Variants in WDR41 observed in about 807,000 individuals in gnomAD.
The protein encoded by WDR41 is WD repeat-containing protein 41.
In WDR41, 63 loss-of-function variants were observed where a neutral mutation model predicts 69.3. That is an observed-to-expected ratio of 0.91 (90% CI 0.74 to 1.12). WDR41 has a LOEUF of 1.12. WDR41 is among the 50% of genes most tolerant of loss of function. The pLI is 0.00. For missense variants in WDR41, 543 were observed against 534.5 expected, an observed-to-expected ratio of 1.02 and a Z score of -0.16; for synonymous variants, 185 against 192.1, an observed-to-expected ratio of 0.96 and a Z score of 0.31.
At chr5:77,486,388 A>G (rs1801523104) in intron 2 of WDR41, among the ~76,000 whole-genome samples, 1 of 152,218 alleles carries the variant, frequency 6.6e-6, no homozygotes, top group Non-Finnish European at 1.5e-5. Context: ...TCTTAGACTC[A>G]CTGTGGTAGA....
chr5:77,558,790 G>A (rs542965633), intron 1 of WDR41, among the ~76,000 whole-genome samples: 1 of 152,242 alleles, frequency 6.6e-6, no homozygotes, highest in East Asian at 1.9e-4. Flanking sequence ...GCAATAAGTT[G>A]TCTGATAAAC....
In WDR41 at chr5:77,433,366, G is replaced by C. The variant is rs462109; in HGVS notation, c.1228-79C>G. The C allele has an allele frequency of 1.4e-5, 19 of 1,357,158 alleles. No homozygotes were observed. The East Asian group carries it at 3.9e-4, about 28-fold the overall frequency. 84.1% of individuals were successfully genotyped at this position (1,357,158 alleles called of 1,614,324 possible). A position where few individuals can be genotyped will look rare whatever the true frequency, so the allele number is the denominator to read the frequency against. Reference sequence around the variant, plus strand: ...TAATACCACATTAACACATGTGCGTGTGAGATATGTGCCTTAAAGACTCCT... The same window carrying C: ...TAATACCACATTAACACATGTGCGTCTGAGATATGTGCCTTAAAGACTCCT... On this transcript the variant is annotated intron_variant, in intron 12 of 12. Transcript: ENST00000296679.
chr5:77,516,605 G>A (rs1802294681), intron 1 of WDR41, among the ~76,000 whole-genome samples: 1 of 152,070 alleles, frequency 6.6e-6, no homozygotes, highest in Non-Finnish European at 1.5e-5. Context: ...GTTTTTCCAT[G>A]TAGCTTTACT....
At chr5:77,491,255 A>C (rs764604170) in intron 1 of WDR41, 5 of 307,648 alleles carry the variant, frequency 1.6e-5, no homozygotes, top group East Asian at 1.3e-4. Context: ...ACCTTGCCCC[A>C]CTCCTGCCCG....
At position 77,477,454 on chromosome 5, in the gene WDR41, T is replaced by G. The variant is rs10474508; in HGVS notation, c.167+12003A>C. On this transcript the variant is annotated intron_variant, in intron 2 of 12. Coordinates refer to ENST00000296679, the MANE Select transcript of WDR41 (RefSeq NM_018268.4). ...GCTCTCCTCAGGAAATGTAGAAGAA[T>G]AGAAATTATAACAAACTATCTCTCA... Among the ~76,000 whole-genome samples, 3 of 86,200 alleles carry G rather than the reference T, an allele frequency of 3.5e-5. 1 individual carries two copies. Among genetic ancestry groups the G allele is most frequent in the Non-Finnish European group, 6.0e-5 (3 of 50,294 alleles). 56.6% of individuals were successfully genotyped at this position (86,200 alleles called of 152,430 possible). A position where few individuals can be genotyped will look rare whatever the true frequency, so the allele number is the denominator to read the frequency against.
At chr5:77,582,314 TA>T (rs1209597682) in intron 1 of WDR41, 53 of 1,456,716 alleles carry the variant, frequency 3.6e-5, no homozygotes, top group Admixed American at 3.4e-5. Context: ...TGCATAGATA[TA>T]TAACAAGTTA....
At chr5:77,546,005 GC>G in intron 1 of WDR41, 3 of 492,574 alleles carry the variant, frequency 6.1e-6, no homozygotes, top group Non-Finnish European at 1.1e-5. Flanking sequence ...CATCATCTCG[GC>G]CCCTGTGCCC....
Position 77,432,984 on chromosome 5 carries a change from TGGTAGG to T in WDR41, c.*145_*150del. On this transcript the variant is annotated 3_prime_UTR_variant, in exon 13 of 13. Coordinates refer to ENST00000296679, the MANE Select transcript of WDR41 (RefSeq NM_018268.4). ...ACCTGAGAAGCAACATGTTCCTGGT[TGGTAGG>T]TCCACAAAAAATTTAAACATGTAGA... 1 of 751,174 alleles carries T rather than the reference TGGTAGG, an allele frequency of 1.3e-6. No homozygotes were observed. The highest frequency in any genetic ancestry group is 2.8e-5 in the East Asian group (1 of 35,778). 46.5% of individuals were successfully genotyped at this position (751,174 alleles called of 1,614,324 possible).
chr5:77,492,019 A>T, intron 1 of WDR41, 151 bp downstream of exon 1: 1 of 998,372 alleles, frequency 1.0e-6, no homozygotes, highest in Non-Finnish European at 1.4e-6. Flanking sequence ...CTCCGCCCCC[A>T]CCGTCGTGAG....
chr5:77,558,240 T>C (rs75523539), intron 1 of WDR41, among the ~76,000 whole-genome samples: 2,866 of 152,294 alleles, frequency 0.019, 44 homozygotes, highest in Middle Eastern at 0.051. Context: ...TCTTGAATTC[T>C]CTTTCTGTTT....
chr5:77,581,238 A>G (rs1743933819), intron 1 of WDR41, among the ~76,000 whole-genome samples: 1 of 152,154 alleles, frequency 6.6e-6, no homozygotes, highest in Non-Finnish European at 1.5e-5. Flanking sequence ...GAGACCTTAA[A>G]ACAAAAAATA....
chr5:77,485,551 C>T (rs558745971), intron 2 of WDR41, among the ~76,000 whole-genome samples: 71 of 152,094 alleles, frequency 4.7e-4, no homozygotes, highest in Non-Finnish European at 9.6e-4. Flanking sequence ...CCTGAAGGAG[C>T]AAGGAATGGT....
intron 11 of WDR41, among the ~76,000 whole-genome samples, chr5:77,436,777 A>G (rs963965123): frequency 2.0e-5 from 3 of 152,204 alleles, no homozygotes; most frequent in African/African-American, 7.2e-5. Flanking sequence ...GCAACACCCC[A>G]GGACTTCAGG....
At chr5:77,486,027 G>C (rs777893869) in intron 2 of WDR41, among the ~76,000 whole-genome samples, 8 of 152,212 alleles carry the variant, frequency 5.3e-5, no homozygotes, top group Non-Finnish European at 2.9e-5. Flanking sequence ...AAACTGGAAA[G>C]GTATTTCTCT....
intron 3 of WDR41, 47 bp from the exon 4 acceptor site, chr5:77,463,273 G>A (rs780474791): frequency 3.2e-6 from 5 of 1,550,476 alleles, no homozygotes; most frequent in Non-Finnish European, 4.4e-6. Flanking sequence ...TCACAATTTA[G>A]ATAATCATAA....
intron 5 of WDR41, among the ~76,000 whole-genome samples, chr5:77,457,282 T>C (rs1799872540): frequency 6.6e-6 from 1 of 152,196 alleles, no homozygotes; most frequent in South Asian, 2.1e-4. Context: ...TCTTTTTAGA[T>C]GTTGCTGAAT....
intron 1 of WDR41, among the ~76,000 whole-genome samples, chr5:77,583,511 C>T (rs1181828442): frequency 6.7e-6 from 1 of 148,676 alleles, no homozygotes; most frequent in Non-Finnish European, 1.5e-5. Flanking sequence ...AACCCTATCT[C>T]AGAAAAAAGA....
At chr5:77,470,584 A>G (rs1399181350) in intron 2 of WDR41, among the ~76,000 whole-genome samples, 1 of 152,198 alleles carries the variant, frequency 6.6e-6, no homozygotes, top group Non-Finnish European at 1.5e-5. Flanking sequence ...ATAGAGGAAG[A>G]TCTACCAAGC....
chr5:77,595,594 G>C (rs369399751), intron 1 of WDR41, among the ~76,000 whole-genome samples: 15 of 149,420 alleles, frequency 1.0e-4, no homozygotes, highest in African/African-American at 3.1e-4. Context: ...ACTATTGTAA[G>C]TGGTTATACT....
Sources: allele counts gnomAD v4.1 joint callset (sites outside exome capture counted in the v4.1 genomes callset), GRCh38; gene constraint gnomAD v4.1.1; transcripts MANE v1.5; gene names NCBI Gene and HGNC (gene_info 2026-07-23, HGNC 2026-07-21).